HEATR4: variants seen among roughly 807,000 people sequenced by gnomAD.
HEATR4 encodes HEAT repeat containing 4, also known as HEAT repeat-containing protein 4.
In HEATR4, 95 loss-of-function variants were observed where a neutral mutation model predicts 108.8. That is an observed-to-expected ratio of 0.87 (90% CI 0.74 to 1.04). The LOEUF is 1.04. Ranked by LOEUF, HEATR4 falls within the 50% of genes least tolerant of loss-of-function variation. The pLI, the probability that HEATR4 is intolerant of heterozygous loss-of-function variation, is 0.00. For synonymous variants in HEATR4, 443 were observed against 459.4 expected (o/e 0.96, Z 0.46); for missense variants, 1,152 against 1,253.8 (o/e 0.92, Z 1.23).
intron 8 of HEATR4, among the ~76,000 whole-genome samples, chr14:73,509,056 G>A (rs115251971): frequency 3.3e-5 from 5 of 151,966 alleles, no homozygotes; most frequent in Non-Finnish European, 7.4e-5. Context: ...TTATAGAGAT[G>A]GGGTCTTGTT....
At chr14:73,515,382 A>G (rs1406858127) in intron 5 of HEATR4, among the ~76,000 whole-genome samples, 1 of 152,028 alleles carries the variant, frequency 6.6e-6, no homozygotes, top group Non-Finnish European at 1.5e-5. Context: ...CTTCTAATGT[A>G]AAAAGAGTCC....
At chr14:73,575,689 C>CT in the HEATR4 span, 2 of 601,672 alleles carry the variant, frequency 3.3e-6, no homozygotes, top group African/African-American at 3.7e-5. Context: ...AAACTGTATA[C>CT]TTTATCAGTT....
At chr14:73,487,307 C>T (rs577227992) in intron 17 of HEATR4, among the ~76,000 whole-genome samples, 1 of 151,992 alleles carries the variant, frequency 6.6e-6, no homozygotes, top group African/African-American at 2.4e-5. Context: ...TGGCTCGCGC[C>T]TGTAATCCCA....
At chr14:73,498,445 A>G (rs1290617991) in intron 13 of HEATR4, 101 bp from the exon 14 acceptor site, 8 of 1,030,382 alleles carry the variant, frequency 7.8e-6, no homozygotes, top group Middle Eastern at 2.4e-4. Flanking sequence ...TCCCTTTTGG[A>G]TGGTAATCAC....
intron 7 of HEATR4, among the ~76,000 whole-genome samples, chr14:73,510,956 T>G (rs1887213745): frequency 6.6e-6 from 1 of 152,236 alleles, no homozygotes; most frequent in Admixed American, 6.5e-5. Context: ...AGTATTTATA[T>G]TTCACTTATA....
chr14:73,495,134 C>T (rs914333772), intron 16 of HEATR4, 94 bp downstream of exon 16: 2 of 1,098,596 alleles, frequency 1.8e-6, no homozygotes, highest in African/African-American at 1.6e-5. Flanking sequence ...CTCTTTCATC[C>T]TCTAAGGCTT....
the HEATR4 span, chr14:73,569,267 C>A: frequency 1.9e-6 from 3 of 1,613,916 alleles, no homozygotes; most frequent in Non-Finnish European, 2.5e-6. Context: ...TTTCTCCCCA[C>A]CCCCATTCAG....
At position 73,520,888 on chromosome 14, in the gene HEATR4, A is replaced by T; in HGVS notation, c.1033T>A (p.Ser345Thr). The change falls in exon 4 of 18, where the codon TCC becomes ACC. Residue 345 changes from serine to threonine, a missense_variant. By Grantham distance (58) the Ser-to-Thr change is moderately conservative. Coordinates refer to ENST00000553558, the MANE Select transcript of HEATR4 (RefSeq NM_001220484.1). The stretch of plus-strand genomic sequence containing the variant: ...TCCTGTTCAAAGGTGTTGTCTGTGG[A>T]GTAGGCAAACTTTCCAGCTCGGGGA... The part of the protein sequence containing the change: ...VTPRAGKFAY[S>T]TDNTFEQEIY... 6.2e-7 allele frequency: 1 copy of T among 1,614,066 alleles called. No individual in the cohort carries two copies. Among genetic ancestry groups the T allele is most frequent in the Non-Finnish European group, 8.5e-7 (1 of 1,180,030 alleles).
the HEATR4 span, chr14:73,592,070 C>T: frequency 6.7e-7 from 1 of 1,483,228 alleles, no homozygotes; most frequent in East Asian, 2.8e-5. Context: ...TGCGCGCGTC[C>T]CTGCGCGACG....
chr14:73,527,787 G>T (rs901061759), intron 2 of HEATR4, among the ~76,000 whole-genome samples: 5 of 151,588 alleles, frequency 3.3e-5, no homozygotes, highest in African/African-American at 1.2e-4. Flanking sequence ...AGACCAGCCC[G>T]GCCAACATGG....
the HEATR4 span, among the ~76,000 whole-genome samples, chr14:73,629,253 C>T: frequency 6.6e-6 from 1 of 152,048 alleles, no homozygotes; most frequent in Admixed American, 6.6e-5. Flanking sequence ...TTTTTTTAAA[C>T]ATAATGCTAT....
the HEATR4 span, among the ~76,000 whole-genome samples, chr14:73,608,080 GTGCC>G: frequency 6.6e-6 from 1 of 151,648 alleles, no homozygotes; most frequent in Non-Finnish European, 1.5e-5. Flanking sequence ...GCCTGCCACT[GTGCC>G]TGCCTAATTT....
chr14:73,493,997 C>T (rs1885954354), intron 16 of HEATR4, among the ~76,000 whole-genome samples: 1 of 152,198 alleles, frequency 6.6e-6, no homozygotes, highest in African/African-American at 2.4e-5. Flanking sequence ...TTTTTGCTCA[C>T]TGTTTGCTTA....
chr14:73,485,170 GA>G (rs1260794083), intron 17 of HEATR4, among the ~76,000 whole-genome samples: 1 of 151,288 alleles, frequency 6.6e-6, no homozygotes, highest in African/African-American at 2.4e-5. Context: ...TCTCAAAAAA[GA>G]AAAAAGAATA....
At chr14:73,526,999 C>T (rs1420366724) in intron 2 of HEATR4, among the ~76,000 whole-genome samples, 6 of 152,006 alleles carry the variant, frequency 3.9e-5, no homozygotes, top group Non-Finnish European at 7.4e-5. Flanking sequence ...CCTGGGTAAC[C>T]GGGGAATTTT....
the HEATR4 span, among the ~76,000 whole-genome samples, chr14:73,572,448 A>G: frequency 1.3e-5 from 2 of 151,994 alleles, 1 homozygote; most frequent in South Asian, 4.2e-4. Flanking sequence ...ATACAATTCA[A>G]AAACTAGGCA....
rs185186861 is a variant in HEATR4, at chr14:73,546,159, T to G, written c.-152+12592A>C. Among the ~76,000 whole-genome samples, 84 of 111,598 alleles carry G rather than the reference T, an allele frequency of 7.5e-4. 23 individuals are homozygous for G. The highest frequency in any genetic ancestry group is 1.1e-3 in the Non-Finnish European group (56 of 51,732). 73.2% of individuals were successfully genotyped at this position (111,598 alleles called of 152,430 possible). A position where few individuals can be genotyped will look rare whatever the true frequency, so the allele number is the denominator to read the frequency against. ...ACCACACCCAGCTAAATTTTGTATT[T>G]TTAGTAGAGATGGGGTTTTGCCATG... On this transcript the variant is annotated intron_variant, in intron 1 of 17. Coordinates refer to ENST00000553558, the MANE Select transcript of HEATR4 (RefSeq NM_001220484.1).
chr14:73,601,677 C>T, the HEATR4 span, among the ~76,000 whole-genome samples: 1 of 152,094 alleles, frequency 6.6e-6, no homozygotes, highest in Non-Finnish European at 1.5e-5. Context: ...ATAACAAAAC[C>T]TTTAGGGACT....
At chr14:73,511,218 T>C (rs1221187252) in intron 7 of HEATR4, among the ~76,000 whole-genome samples, 3 of 152,048 alleles carry the variant, frequency 2.0e-5, no homozygotes, top group African/African-American at 4.8e-5. Flanking sequence ...CCGTGAATCA[T>C]ATTTTAAGAT....
Sources: allele counts gnomAD v4.1 joint callset (sites outside exome capture counted in the v4.1 genomes callset), GRCh38; gene constraint gnomAD v4.1.1; transcripts MANE v1.5; gene names NCBI Gene and HGNC (gene_info 2026-07-23, HGNC 2026-07-21).